Variants in CNTN6 observed in about 807,000 individuals in gnomAD.
CNTN6 encodes contactin-6.
A neutral mutation model predicts 122.8 loss-of-function variants in CNTN6; 137 were observed. The observed-to-expected ratio is 1.12, with a 90% CI of 0.97 to 1.29. The LOEUF (loss-of-function observed/expected upper bound fraction) is 1.29. Among genes scored for constraint, CNTN6 ranks in the 50% most tolerant of loss-of-function variants. CNTN6 has a pLI of 0.00. For missense variants in CNTN6, 1,634 were observed against 1,223.4 expected (o/e 1.34, Z -5.01); for synonymous variants, 570 against 426.0 (o/e 1.34, Z -4.16).
At chr3:1,105,626 G>T (rs1276909190) in intron 1 of CNTN6, among the ~76,000 whole-genome samples, 1 of 152,118 alleles carries the variant, frequency 6.6e-6, no homozygotes, top group Non-Finnish European at 1.5e-5. Flanking sequence ...TATTTTTATA[G>T]CTACAAGTGA....
intron 17 of CNTN6, among the ~76,000 whole-genome samples, chr3:1,379,959 A>G (rs1710422905): frequency 6.6e-6 from 1 of 152,206 alleles, no homozygotes; most frequent in Admixed American, 6.5e-5. Context: ...TGTTCCTATC[A>G]GTGGAATACA....
At chr3:1,192,204 A>G (rs1203842814) in intron 2 of CNTN6, among the ~76,000 whole-genome samples, 1 of 152,138 alleles carries the variant, frequency 6.6e-6, no homozygotes, top group East Asian at 1.9e-4. Context: ...GAAAGCCTTC[A>G]TTGATTCTTT....
At chr3:1,324,236 C>T (rs114441559) in intron 8 of CNTN6, among the ~76,000 whole-genome samples, 8 of 149,194 alleles carry the variant, frequency 5.4e-5, no homozygotes, top group Non-Finnish European at 7.4e-5. Context: ...ATTTCTTTTA[C>T]TCGTTTGTAG....
intron 1 of CNTN6, among the ~76,000 whole-genome samples, chr3:1,136,675 G>T (rs1559378462): frequency 6.6e-6 from 1 of 152,086 alleles, no homozygotes; most frequent in African/African-American, 2.4e-5. Flanking sequence ...CTAATAAGTA[G>T]AAATGTTTCT....
chr3:1,212,869 G>T (rs772154363), intron 2 of CNTN6, among the ~76,000 whole-genome samples: 19 of 151,920 alleles, frequency 1.3e-4, no homozygotes, highest in Non-Finnish European at 2.4e-4. Flanking sequence ...ACAATTAGTT[G>T]AAACTAGACT....
chr3:1,386,939 T>A (rs970536534), intron 20 of CNTN6, among the ~76,000 whole-genome samples: 1 of 152,046 alleles, frequency 6.6e-6, no homozygotes, highest in African/African-American at 2.4e-5. Context: ...CCAAAAGAAG[T>A]TAGTTAGGAA....
intron 7 of CNTN6, among the ~76,000 whole-genome samples, chr3:1,300,499 AAAAG>A (rs961076190): frequency 7.6e-6 from 1 of 130,794 alleles, no homozygotes; most frequent in Non-Finnish European, 1.7e-5. Context: ...AAGGAAAAAG[AAAAG>A]AAAGAGAAAG....
chr3:1,243,825 T>G (rs571303636), intron 4 of CNTN6, among the ~76,000 whole-genome samples: 16 of 151,776 alleles, frequency 1.1e-4, no homozygotes, highest in Non-Finnish European at 1.2e-4. Flanking sequence ...GGTCTGGCAA[T>G]GAGCAGCTTG....
intron 5 of CNTN6, among the ~76,000 whole-genome samples, chr3:1,282,789 G>T (rs1318264804): frequency 6.6e-6 from 1 of 152,112 alleles, no homozygotes. Flanking sequence ...ATTCCCTCGA[G>T]TATCTATTAT....
intron 2 of CNTN6, among the ~76,000 whole-genome samples, chr3:1,216,828 C>A (rs911941917): frequency 1.3e-5 from 2 of 152,188 alleles, no homozygotes; most frequent in African/African-American, 4.8e-5. Flanking sequence ...GGAAGCAGAT[C>A]TGAGTGGATG....
chr3:1,192,384 A>G (rs978565486), intron 2 of CNTN6, among the ~76,000 whole-genome samples: 1 of 152,132 alleles, frequency 6.6e-6, no homozygotes, highest in Admixed American at 6.6e-5. Context: ...CTTAAAATTA[A>G]TATCTTCTGG....
intron 8 of CNTN6, among the ~76,000 whole-genome samples, chr3:1,325,509 G>A (rs868367717): frequency 6.6e-6 from 1 of 151,776 alleles, no homozygotes; most frequent in African/African-American, 2.4e-5. Context: ...TATTTAGCAT[G>A]GATTTATTCC....
intron 5 of CNTN6, among the ~76,000 whole-genome samples, chr3:1,283,432 A>G (rs1012677319): frequency 4.6e-5 from 7 of 152,142 alleles, no homozygotes; most frequent in Non-Finnish European, 7.3e-5. Context: ...GGCACAAACT[A>G]TCTGCAACAG....
chr3:1,208,705 T>C (rs1008141081), intron 2 of CNTN6, among the ~76,000 whole-genome samples: 4 of 152,138 alleles, frequency 2.6e-5, no homozygotes, highest in Admixed American at 2.6e-4. Context: ...TTGAACAAGT[T>C]ATTTCCATTC....
In CNTN6 at chr3:1,372,689, A is replaced by T. The variant is rs117407532; in HGVS notation, c.1669-149A>T. ...TAATTATAATAAGGGGGATAATAAA[A>T]GGGTTTAGATACAAGAAATGACAAT... On this transcript the variant is annotated intron_variant, in intron 13 of 22. Coordinates refer to ENST00000446702, the MANE Select transcript of CNTN6 (RefSeq NM_001289080.2). 77 of 673,248 alleles carry T rather than the reference A, an allele frequency of 1.1e-4. No homozygotes were observed. In the East Asian group the frequency reaches 2.0e-3, roughly 18 times the overall value. The allele number at this position is 673,248 out of a possible 1,614,324, so 41.7% of individuals were successfully genotyped here. A position where few individuals can be genotyped will look rare whatever the true frequency, so the allele number is the denominator to read the frequency against.
At chr3:1,337,668 G>A (rs1026711563) in intron 11 of CNTN6, among the ~76,000 whole-genome samples, 8 of 152,076 alleles carry the variant, frequency 5.3e-5, no homozygotes, top group African/African-American at 1.9e-4. Context: ...TCTGCATAAT[G>A]CCAGGCTTAT....
intron 11 of CNTN6, among the ~76,000 whole-genome samples, chr3:1,342,327 A>C (rs543453452): frequency 7.9e-5 from 12 of 152,142 alleles, no homozygotes; most frequent in African/African-American, 2.2e-4. Context: ...AAGGGGTTTC[A>C]CCATGTTGTT....
chr3:1,394,270 A>G, intron 20 of CNTN6: 1 of 221,680 alleles, frequency 4.5e-6, no homozygotes, highest in Non-Finnish European at 9.0e-6. Context: ...GCCAGGAATC[A>G]GAGGACCAAG....
intron 4 of CNTN6, among the ~76,000 whole-genome samples, chr3:1,238,304 A>T (rs2094445078): frequency 6.6e-6 from 1 of 152,214 alleles, no homozygotes; most frequent in Non-Finnish European, 1.5e-5. Context: ...TCTATCAGAC[A>T]AAACATACTT....
Sources: gnomAD v4.1 joint callset for allele counts (sites outside exome capture counted in the v4.1 genomes callset) on GRCh38, gnomAD v4.1.1 for gene constraint, MANE v1.5 for transcripts, NCBI Gene and HGNC (gene_info 2026-07-23, HGNC 2026-07-21) for gene names.